Variants in TRIO observed in about 807,000 individuals in gnomAD.
TRIO encodes trio Rho guanine nucleotide exchange factor, also known as triple functional domain protein.
A neutral mutation model predicts 351.9 loss-of-function variants in TRIO; 58 were observed. The ratio of observed to expected loss-of-function variants is 0.16; its 90% CI spans 0.13 to 0.21. The LOEUF (loss-of-function observed/expected upper bound fraction) is 0.21. Among genes scored for constraint, TRIO ranks in the 10% least tolerant of loss-of-function variants. The probability of loss-of-function intolerance (pLI) is 1.00; values close to 1 mark genes in which losing one functional copy is unlikely to be tolerated. For missense variants in TRIO, 3,201 were observed against 4,027.8 expected (o/e 0.79, Z 5.56); for synonymous variants, 1,758 against 1,595.7 (o/e 1.10, Z -2.42).
intron 3 of TRIO, among the ~76,000 whole-genome samples, chr5:14,280,858 G>C (rs1735934430): frequency 6.6e-6 from 1 of 152,162 alleles, no homozygotes. Flanking sequence ...GAAGTTTGTG[G>C]GGCATTAAAA....
chr5:14,498,130 G>A lies in TRIO; in HGVS notation c.8089G>A (p.Glu2697Lys), dbSNP rs1398949634. Residue 2697 changes from glutamate (E) to lysine (K), a missense_variant, in exon 52 of 57, where the codon GAG becomes AAG. Transcript: ENST00000344204. ...FVIPLSEVTC[E>K]TGETVVLRCR... ...CATTCCATTGAGTGAGGTCACGTGT[G>A]AGACAGGGGAGACCGTTGTTCTTAG... The A allele has an allele frequency of 1.4e-5, 23 of 1,614,206 alleles. No homozygotes were observed. The highest frequency in any genetic ancestry group is 1.9e-5 in the Non-Finnish European group (23 of 1,180,048).
At chr5:14,448,707 G>A (rs1485336696) in intron 34 of TRIO, among the ~76,000 whole-genome samples, 2 of 152,214 alleles carry the variant, frequency 1.3e-5, no homozygotes, top group Non-Finnish European at 2.9e-5. Context: ...GATGTCTTCA[G>A]CTGGCAGGAT....
intron 1 of TRIO, among the ~76,000 whole-genome samples, chr5:14,180,740 G>A (rs1304221016): frequency 6.6e-6 from 1 of 152,204 alleles, no homozygotes; most frequent in East Asian, 1.9e-4. Context: ...TGAGGCAGGA[G>A]GATCTCTTGA....
chr5:14,340,397 GAAAAA>G (rs33944910), intron 11 of TRIO, among the ~76,000 whole-genome samples: 2 of 131,518 alleles, frequency 1.5e-5, no homozygotes, highest in African/African-American at 2.9e-5. Context: ...ACTCCGTCTG[GAAAAA>G]AAAAAAAAAA....
Position 14,465,567 on chromosome 5 carries a change from G to T in TRIO, c.5690G>T (p.Arg1897Leu), listed in dbSNP as rs755807866. 1 of 1,613,554 alleles carries T rather than the reference G, an allele frequency of 6.2e-7. No individual in the cohort carries two copies. Among genetic ancestry groups the T allele is most frequent in the Non-Finnish European group, 8.5e-7 (1 of 1,179,920 alleles). The change falls in exon 37 of 57, where the codon CGC (arginine) becomes CTC (leucine). Residue 1897 changes from arginine (R) to leucine (L), a missense_variant. This residue lies in a region of TRIO where 307 missense variants were observed against 396.5 expected (regional missense o/e 0.77). Transcript: ENST00000344204. ...TAGGCCTCTTCTCGGTTATTAGTCC[G>T]CCCCACCAGCTCCGAAACACCGAGT... is the stretch of plus-strand genomic sequence containing the variant. ...DDKASSRLLV[R>L]PTSSETPSAA...
chr5:14,164,911 G>A (rs573118613), intron 1 of TRIO, among the ~76,000 whole-genome samples: 41 of 152,290 alleles, frequency 2.7e-4, no homozygotes, highest in African/African-American at 8.9e-4. Flanking sequence ...CTAATGGCAC[G>A]TAAGGCTCCT....
At chr5:14,229,508 T>G (rs1793271278) in intron 1 of TRIO, among the ~76,000 whole-genome samples, 1 of 152,258 alleles carries the variant, frequency 6.6e-6, no homozygotes, top group African/African-American at 2.4e-5. Context: ...CTCTAGAATC[T>G]GTCCTAGGAG....
At chr5:14,505,692 C>T (rs1757625795) in intron 55 of TRIO, among the ~76,000 whole-genome samples, 1 of 152,142 alleles carries the variant, frequency 6.6e-6, no homozygotes. Flanking sequence ...CCCACATGGC[C>T]CCACATGCAG....
In TRIO at chr5:14,474,013, A is replaced by C; in HGVS notation, c.5999A>C (p.Lys2000Thr). Residue 2000 changes from lysine (K) to threonine (T), a missense_variant, in exon 40 of 57, where the codon AAA becomes ACA. Physicochemically the swap from Lys to Thr is moderately conservative, Grantham distance 78. Around this residue, in one of 19 missense-constraint regions of TRIO, gnomAD observed 307 missense variants for 396.5 expected, o/e 0.77. Transcript: ENST00000344204. ...YVVEGYMALMKEDGVPDDMKG... is the reference protein window; with the variant it reads ...YVVEGYMALMTEDGVPDDMKG... ...TTGTAGGGCTACATGGCACTTATGA[A>C]AGAAGATGGTGTTCCTGATGACATG... 6.2e-7 allele frequency: 1 copy of C among 1,613,436 alleles called. No homozygotes were observed. Among genetic ancestry groups the C allele is most frequent in the Non-Finnish European group, 8.5e-7 (1 of 1,179,390 alleles).
At chr5:14,245,771 T>A (rs1794402840) in intron 1 of TRIO, among the ~76,000 whole-genome samples, 1 of 152,234 alleles carries the variant, frequency 6.6e-6, no homozygotes, top group Admixed American at 6.5e-5. Flanking sequence ...TTCTGGCCCG[T>A]GCCACAGATC....
At chr5:14,344,941 G>A (rs912951400) in intron 11 of TRIO, among the ~76,000 whole-genome samples, 3 of 152,148 alleles carry the variant, frequency 2.0e-5, no homozygotes, top group Non-Finnish European at 4.4e-5. Context: ...TAAGTACAAA[G>A]TATTTAGATC....
Position 14,479,308 on chromosome 5 carries a change from G to A in TRIO, c.6201G>A (p.Lys2067=), listed in dbSNP as rs770064702. The change falls in exon 42 of 57, where the codon AAG becomes AAA. Residue 2067 remains lysine, a synonymous_variant. Transcript: ENST00000344204. ...TAGCTTATTGTCAAAATAAACCAAA[G>A]TCTGAGCACATTGTCTCAGAATACA... is the stretch of plus-strand genomic sequence containing the variant. ...MYIAYCQNKP[K]SEHIVSEYID... is the part of the protein sequence containing the mutation. The A allele has an allele frequency of 2.5e-6, 4 of 1,613,886 alleles. No individual in the cohort carries two copies. In the Admixed American group the frequency reaches 6.7e-5, roughly 27 times the overall value.
chr5:14,215,094 A>C (rs1021424690), intron 1 of TRIO, among the ~76,000 whole-genome samples: 1 of 152,210 alleles, frequency 6.6e-6, no homozygotes, highest in Non-Finnish European at 1.5e-5. Context: ...AGAATGGAGA[A>C]ATGAATTTAG....
chr5:14,249,754 C>T (rs1435593520), intron 1 of TRIO, among the ~76,000 whole-genome samples: 1 of 152,088 alleles, frequency 6.6e-6, no homozygotes, highest in Non-Finnish European at 1.5e-5. Flanking sequence ...CAGTGACAGC[C>T]CTGCATGAGG....
chr5:14,252,049 G>A (rs1292168569), intron 1 of TRIO, among the ~76,000 whole-genome samples: 3 of 151,342 alleles, frequency 2.0e-5, no homozygotes, highest in Non-Finnish European at 4.4e-5. Context: ...GAAACAATCA[G>A]TTTGGCTTTG....
At chr5:14,188,090 A>G (rs1790234924) in intron 1 of TRIO, among the ~76,000 whole-genome samples, 1 of 152,224 alleles carries the variant, frequency 6.6e-6, no homozygotes, top group African/African-American at 2.4e-5. Context: ...ATTTTATAAT[A>G]TCTGCTGGTG....
intron 1 of TRIO, among the ~76,000 whole-genome samples, chr5:14,230,376 T>TGTGTGTGTGTGTGTGTG: frequency 7.9e-6 from 1 of 126,936 alleles, no homozygotes; most frequent in African/African-American, 4.1e-5. Flanking sequence ...GTGTGTGTGT[T>TGTGTGTGTGTGTGTGTG]GGGTGATGAG....
rs772378892 is a variant in TRIO, at chr5:14,290,992, G to A, written c.817G>A (p.Glu273Lys). The change falls in exon 5 of 57, where the codon GAG becomes AAG. Residue 273 changes from glutamate to lysine, a missense_variant. Physicochemically the swap from Glu to Lys is moderately conservative, Grantham distance 56. Coordinates refer to ENST00000344204, the MANE Select transcript of TRIO (RefSeq NM_007118.4). ...LKKKVIKAPI[E>K]DLDLEGQKLL... ...GAAGAAGGTGATTAAGGCCCCCATC[G>A]AGGACCTGGATTTGGAGGGACAGAA... 1 of 1,614,206 alleles carries A rather than the reference G, an allele frequency of 6.2e-7. No individual in the cohort carries two copies. The highest frequency in any genetic ancestry group is 1.1e-5 in the South Asian group (1 of 91,082).
chr5:14,359,526 A>G lies in TRIO; in HGVS notation c.2386A>G (p.Ile796Val), dbSNP rs761413731. The change falls in exon 13 of 57, where the codon ATC becomes GTC. Residue 796 changes from isoleucine to valine, a missense_variant. By Grantham distance (29) the Ile-to-Val change is conservative (BLOSUM62 3). Transcript: ENST00000344204. The stretch of plus-strand genomic sequence containing the variant: ...GCTGCGCATCTTCGAGAGGGACGCC[A>G]TCGACGTGAGTGTCCCGCGGCTGGC... ...LQLRIFERDA[I>V]DIISDLESWN... 5 of 1,613,562 alleles carry G rather than the reference A, an allele frequency of 3.1e-6. No homozygotes were observed. The highest frequency in any genetic ancestry group is 1.7e-5 in the Admixed American group (1 of 60,030).
Sources: allele counts gnomAD v4.1 joint callset (sites outside exome capture counted in the v4.1 genomes callset), GRCh38; gene constraint gnomAD v4.1.1; regional missense constraint gnomAD v4.1.1; transcripts MANE v1.5; gene names NCBI Gene and HGNC (gene_info 2026-07-23, HGNC 2026-07-21).